The following GDA variants were observed in gnomAD, a reference collection of about 807,000 sequenced individuals.
The protein encoded by GDA is cytoplasmic PSD-95 interactor.
Under a neutral mutation model 59.6 loss-of-function variants are expected in GDA, and 18 were observed. That is an observed-to-expected ratio of 0.30 (90% confidence interval 0.21 to 0.45). The LOEUF is 0.45. GDA is among the 20% of genes least tolerant of loss of function. The pLI, the probability that GDA is intolerant of heterozygous loss-of-function variation, is 1.00. For synonymous variants in GDA, 201 were observed against 201.1 expected, an observed-to-expected ratio of 1.00 and a Z score of 0.00; for missense variants, 427 against 552.3, an observed-to-expected ratio of 0.77 and a Z score of 2.27.
chr9:72,190,344 C>A (rs1832380918), intron 1 of GDA, among the ~76,000 whole-genome samples: 1 of 152,152 alleles, frequency 6.6e-6, no homozygotes, highest in Non-Finnish European at 1.5e-5. Context: ...CCAGGCTGGT[C>A]TCGAATTCCT....
chr9:72,214,408 A>G (rs1209296498), intron 5 of GDA, among the ~76,000 whole-genome samples: 1 of 151,336 alleles, frequency 6.6e-6, no homozygotes, highest in African/African-American at 2.4e-5. Context: ...CGATTCTTCC[A>G]CCTCAGCCTC....
At chr9:72,133,870 A>T (rs566405079) in intron 1 of GDA, among the ~76,000 whole-genome samples, 1 of 152,276 alleles carries the variant, frequency 6.6e-6, no homozygotes, top group South Asian at 2.1e-4. Context: ...ACTGAAACCT[A>T]TCCCCAGTCC....
intron 1 of GDA, among the ~76,000 whole-genome samples, chr9:72,142,141 T>G (rs374802882): frequency 2.9e-4 from 44 of 152,334 alleles, no homozygotes; most frequent in African/African-American, 1.0e-3. Context: ...TGCTAGATAG[T>G]TCATGTTCAT....
At chr9:72,131,815 A>G (rs12003049) in intron 1 of GDA, among the ~76,000 whole-genome samples, 1,523 of 152,290 alleles carry the variant, frequency 0.01, 28 homozygotes, top group African/African-American at 0.034. Context: ...CTATGGGAGG[A>G]AAAGAACTAT....
intron 1 of GDA, among the ~76,000 whole-genome samples, chr9:72,141,964 A>C (rs986283373): frequency 6.6e-6 from 1 of 152,182 alleles, no homozygotes; most frequent in Non-Finnish European, 1.5e-5. Flanking sequence ...ATATTGATCA[A>C]CTTGGAGTCC....
intron 11 of GDA, 62 bp from the exon 12 acceptor site, chr9:72,245,086 T>G (rs1424334729): frequency 6.5e-7 from 1 of 1,534,166 alleles, no homozygotes; most frequent in Non-Finnish European, 8.9e-7. Flanking sequence ...CCTTACAAAC[T>G]GAGACATTAG....
At chr9:72,146,616 T>C (rs1399660654), upstream of GDA, among the ~76,000 whole-genome samples, 1 of 152,094 alleles carries the variant, frequency 6.6e-6, no homozygotes, top group African/African-American at 2.4e-5. Context: ...TCAGCCTCCC[T>C]AGTAGCTGGG....
chr9:72,155,297 T>C (rs746373016), intron 1 of GDA, among the ~76,000 whole-genome samples: 1 of 152,174 alleles, frequency 6.6e-6, no homozygotes, highest in Non-Finnish European at 1.5e-5. Context: ...GTGAGACTTA[T>C]TCACTACCAT....
At chr9:72,139,730 G>C (rs1826374893) in intron 1 of GDA, among the ~76,000 whole-genome samples, 1 of 152,016 alleles carries the variant, frequency 6.6e-6, no homozygotes, top group Admixed American at 6.6e-5. Flanking sequence ...GTGAGGGCAG[G>C]GAATCTCAGT....
At chr9:72,213,574 C>A (rs931549243) in intron 4 of GDA, among the ~76,000 whole-genome samples, 1 of 151,878 alleles carries the variant, frequency 6.6e-6, no homozygotes, top group Admixed American at 6.6e-5. Flanking sequence ...GAGGCCGAGG[C>A]GGGCGGATCA....
chr9:72,131,643 G>GCGCAGA (rs1163080102), intron 1 of GDA, among the ~76,000 whole-genome samples: 2 of 105,824 alleles, frequency 1.9e-5, no homozygotes, highest in African/African-American at 2.8e-5. Flanking sequence ...CACACCACGT[G>GCGCAGA]CACAGACACA....
At chr9:72,132,455 C>T (rs1447121034) in intron 1 of GDA, among the ~76,000 whole-genome samples, 4 of 152,144 alleles carry the variant, frequency 2.6e-5, no homozygotes, top group Admixed American at 2.6e-4. Context: ...ATACCAGTGA[C>T]AAAATTGCTG....
chr9:72,171,407 A>C (rs1214941613), intron 1 of GDA, among the ~76,000 whole-genome samples: 1 of 152,056 alleles, frequency 6.6e-6, no homozygotes, highest in Non-Finnish European at 1.5e-5. Flanking sequence ...AGACTCCTTG[A>C]GATTCTAAAT....
chr9:72,183,868 A>G (rs1022356822), intron 1 of GDA, among the ~76,000 whole-genome samples: 3 of 152,204 alleles, frequency 2.0e-5, no homozygotes, highest in African/African-American at 7.2e-5. Context: ...TTAAATACCA[A>G]TGATTTATTA....
At chr9:72,152,243 T>C (rs1284564547) in intron 1 of GDA, among the ~76,000 whole-genome samples, 1 of 152,240 alleles carries the variant, frequency 6.6e-6, no homozygotes, top group Non-Finnish European at 1.5e-5. Context: ...GCACAAAGCT[T>C]ACTCTGTCCT....
intron 1 of GDA, among the ~76,000 whole-genome samples, chr9:72,179,819 T>C (rs986420328): frequency 7.2e-5 from 11 of 152,230 alleles, no homozygotes; most frequent in Non-Finnish European, 1.6e-4. Flanking sequence ...TTGTCTTCCC[T>C]CTATGTCTCT....
chr9:72,251,215 T>C lies in GDA; in HGVS notation c.*2873T>C, dbSNP rs1158802551. The C allele has an allele frequency of 5.7e-6, 1 of 175,408 alleles. No homozygotes were observed. Among genetic ancestry groups the C allele is most frequent in the African/African-American group, 2.4e-5 (1 of 41,750 alleles). 10.9% of individuals were successfully genotyped at this position (175,408 alleles called of 1,614,324 possible). On this transcript the variant is annotated 3_prime_UTR_variant, in exon 14 of 14. Coordinates refer to ENST00000358399, the MANE Select transcript of GDA (RefSeq NM_004293.5). ...TGGTGGGAAACTCTCCCCGTAATGC[T>C]TAGCCAACTTTAAAGTGTACCCTTC... is the stretch of plus-strand genomic sequence containing the variant.
chr9:72,231,687 C>G (rs372326002), intron 10 of GDA, among the ~76,000 whole-genome samples: 1 of 152,070 alleles, frequency 6.6e-6, no homozygotes, highest in Non-Finnish European at 1.5e-5. Context: ...TTCCTTCTGA[C>G]GTGTTTCAGA....
At chr9:72,248,231 A>T (rs573977724) in intron 13 of GDA, 41 bp from the exon 14 acceptor site, 1 of 1,368,344 alleles carries the variant, frequency 7.3e-7, no homozygotes, top group African/African-American at 1.4e-5. Flanking sequence ...ACTTATTGAC[A>T]CAAAAGGATT....
Sources: gnomAD v4.1 joint callset for allele counts (sites outside exome capture counted in the v4.1 genomes callset) on GRCh38, gnomAD v4.1.1 for gene constraint, MANE v1.5 for transcripts, NCBI Gene and HGNC (gene_info 2026-07-23, HGNC 2026-07-21) for gene names.